FBXO36: variants seen among roughly 807,000 people sequenced by gnomAD.
The protein encoded by FBXO36 is F-box only protein 36.
Under a neutral mutation model 17.0 loss-of-function variants are expected in FBXO36, and 18 were observed. That is an observed-to-expected ratio of 1.06 (90% CI 0.73 to 1.57). FBXO36 has a LOEUF of 1.57. Among genes scored for constraint, FBXO36 ranks in the 40% most tolerant of loss-of-function variants. The pLI, the probability that FBXO36 is intolerant of heterozygous loss-of-function variation, is 0.00. For missense variants in FBXO36, 229 were observed against 221.9 expected, an observed-to-expected ratio of 1.03 and a Z score of -0.20; for synonymous variants, 83 against 85.3, an observed-to-expected ratio of 0.97 and a Z score of 0.15.
chr2:230,005,086 ATTAT>A (rs369839270), intron 3 of FBXO36, among the ~76,000 whole-genome samples: 13 of 152,052 alleles, frequency 8.5e-5, no homozygotes, highest in Admixed American at 3.3e-4. Context: ...GCATGGACAG[ATTAT>A]TTATTTATTT....
At chr2:229,937,076 ATTATT>A (rs779386959) in intron 1 of FBXO36, among the ~76,000 whole-genome samples, 73 of 152,248 alleles carry the variant, frequency 4.8e-4, no homozygotes, top group Non-Finnish European at 4.3e-4. Flanking sequence ...AGGTCATATC[ATTATT>A]TTATATATAG....
intron 1 of FBXO36, among the ~76,000 whole-genome samples, chr2:229,975,350 G>C (rs867738757): frequency 2.0e-5 from 3 of 152,208 alleles, no homozygotes; most frequent in Middle Eastern, 3.4e-3. Context: ...GGAAGGAGGA[G>C]AGCTGAGCAA....
At chr2:229,973,779 G>T (rs183778870) in intron 1 of FBXO36, among the ~76,000 whole-genome samples, 1 of 151,654 alleles carries the variant, frequency 6.6e-6, no homozygotes, top group South Asian at 2.1e-4. Context: ...GGGCACAGTG[G>T]CTCATGACTA....
chr2:229,937,063 T>A (rs1173582467), intron 1 of FBXO36, among the ~76,000 whole-genome samples: 3 of 152,140 alleles, frequency 2.0e-5, no homozygotes, highest in Non-Finnish European at 4.4e-5. Flanking sequence ...CGCCCCTGAC[T>A]ATAGGTCATA....
intron 1 of FBXO36, among the ~76,000 whole-genome samples, chr2:229,938,587 C>G (rs759456250): frequency 6.7e-6 from 1 of 148,516 alleles, no homozygotes. Context: ...TGGGTTCAAG[C>G]GATTCTCCTG....
At chr2:229,974,790 C>T (rs758531374) in intron 1 of FBXO36, among the ~76,000 whole-genome samples, 3 of 152,096 alleles carry the variant, frequency 2.0e-5, no homozygotes, top group Non-Finnish European at 4.4e-5. Flanking sequence ...AGAGAGATTG[C>T]CCAGGCCTGT....
At chr2:229,994,865 C>T (rs2077316790) in intron 2 of FBXO36, among the ~76,000 whole-genome samples, 1 of 152,138 alleles carries the variant, frequency 6.6e-6, no homozygotes, top group Non-Finnish European at 1.5e-5. Context: ...CCTGTAATCC[C>T]AGCACTTTGG....
chr2:229,948,518 GAAAA>G (rs59155537), intron 1 of FBXO36, among the ~76,000 whole-genome samples: 7 of 129,270 alleles, frequency 5.4e-5, no homozygotes, highest in Admixed American at 1.6e-4. Context: ...GGGCTTTAGA[GAAAA>G]AAAAAAAAAA....
At chr2:229,971,480 G>A (rs1049645076) in intron 1 of FBXO36, among the ~76,000 whole-genome samples, 1 of 151,948 alleles carries the variant, frequency 6.6e-6, no homozygotes, top group African/African-American at 2.4e-5. Flanking sequence ...ACCAATTGCT[G>A]GCAGGGGGAA....
At chr2:229,939,833 G>A (rs1043081157) in intron 1 of FBXO36, among the ~76,000 whole-genome samples, 2 of 152,176 alleles carry the variant, frequency 1.3e-5, no homozygotes, top group Admixed American at 6.6e-5. Flanking sequence ...TGTAATCCCA[G>A]CACTTTGAGA....
At chr2:229,953,200 G>C (rs1020676816) in intron 1 of FBXO36, among the ~76,000 whole-genome samples, 1 of 152,022 alleles carries the variant, frequency 6.6e-6, no homozygotes, top group Non-Finnish European at 1.5e-5. Flanking sequence ...TTAGCTGGAC[G>C]TGGTGGTAGG....
chr2:229,925,841 T>G (rs1294114483), intron 1 of FBXO36, among the ~76,000 whole-genome samples: 1 of 152,180 alleles, frequency 6.6e-6, no homozygotes, highest in African/African-American at 2.4e-5. Flanking sequence ...CTTTTACTGC[T>G]TGATACCATG....
intron 1 of FBXO36, among the ~76,000 whole-genome samples, chr2:229,949,808 C>T (rs1308624309): frequency 1.3e-5 from 2 of 152,090 alleles, no homozygotes; most frequent in Non-Finnish European, 2.9e-5. Context: ...GCCTGTAGTC[C>T]CAGCTACTCG....
At chr2:229,979,759 T>G (rs2077228506) in intron 2 of FBXO36, among the ~76,000 whole-genome samples, 1 of 152,078 alleles carries the variant, frequency 6.6e-6, no homozygotes, top group Non-Finnish European at 1.5e-5. Context: ...TTCACTGTCT[T>G]ACTATCTGTA....
Position 229,984,491 on chromosome 2 carries a change from T to C in FBXO36, c.205+8142T>C, listed in dbSNP as rs1321609971. On this transcript the variant is annotated intron_variant, in intron 2 of 3. Transcript: ENST00000283946. ...CTGCAACGCCGCTCCCGGGTTCACG[T>C]CATTCTCCTGCCTCAGCCTCCCAAG... 2.8e-4 allele frequency among the ~76,000 whole-genome samples: 42 copies of C among 147,374 alleles called. 1 individual carries two copies. The highest frequency in any genetic ancestry group is 2.8e-3 in the Admixed American group (42 of 14,750).
chr2:229,950,047 G>GC (rs1426710772), intron 1 of FBXO36, among the ~76,000 whole-genome samples: 1 of 152,196 alleles, frequency 6.6e-6, no homozygotes. Context: ...TAGCTTCAGT[G>GC]CCTCCAGCAG....
Position 229,976,268 on chromosome 2 carries a change from C to CG in FBXO36, c.124_125insG (p.Leu42ArgfsTer4), listed in dbSNP as rs2077207690. 1 of 1,612,372 alleles carries CG rather than the reference C, an allele frequency of 6.2e-7. No individual in the cohort carries two copies. The highest frequency in any genetic ancestry group is 1.3e-5 in the African/African-American group (1 of 74,882). On this transcript the variant is annotated frameshift_variant, in exon 2 of 4. Coordinates refer to ENST00000283946, the MANE Select transcript of FBXO36 (RefSeq NM_174899.5). LOFTEE classifies it high-confidence loss of function. ...AATCTTTAGATGGTGGAAGATCTCT[C>CG]TAAGGAGTGAGTATCGATCAACAAA... is the stretch of plus-strand genomic sequence containing the variant.
chr2:229,926,397 C>G (rs972841457), intron 1 of FBXO36, among the ~76,000 whole-genome samples: 2 of 150,472 alleles, frequency 1.3e-5, no homozygotes, highest in African/African-American at 4.9e-5. Context: ...CACCACTGCT[C>G]TCCAGCCTGG....
At chr2:229,937,434 G>A (rs1173536385) in intron 1 of FBXO36, among the ~76,000 whole-genome samples, 1 of 152,182 alleles carries the variant, frequency 6.6e-6, no homozygotes, top group East Asian at 1.9e-4. Flanking sequence ...GGCGGAGGTT[G>A]CAGTGAGCAG....
Sources: allele counts gnomAD v4.1 joint callset (sites outside exome capture counted in the v4.1 genomes callset), GRCh38; gene constraint gnomAD v4.1.1; transcripts MANE v1.5; gene names NCBI Gene and HGNC (gene_info 2026-07-23, HGNC 2026-07-21).